Variants in CSMD3 observed in about 807,000 individuals in gnomAD.
The protein encoded by CSMD3 is CUB and sushi domain-containing protein 3.
A neutral mutation model predicts 435.2 loss-of-function variants in CSMD3; 177 were observed. The observed-to-expected ratio is 0.41, with a 90% confidence interval of 0.36 to 0.46. CSMD3 has a LOEUF of 0.46. CSMD3 is among the 20% of genes least tolerant of loss of function. The probability of loss-of-function intolerance (pLI) is 0.34; values close to 1 mark genes in which losing one functional copy is unlikely to be tolerated. For missense variants in CSMD3, 4,265 were observed against 4,504.6 expected (o/e 0.95, Z 1.52); for synonymous variants, 1,656 against 1,520.5 (o/e 1.09, Z -2.07).
Position 112,744,271 on chromosome 8 carries a change from G to A in CSMD3, c.1973-54221C>T, listed in dbSNP as rs140898491. ...CTTCTACATCAGAAAGAAGTTTACA[G>A]AGATCATCAGATCTTAAAGAATGAT... On this transcript the variant is annotated intron_variant, in intron 13 of 70. Transcript: ENST00000297405. 3.2e-3 allele frequency among the ~76,000 whole-genome samples: 484 copies of A among 152,146 alleles called. 1 individual carries two copies. The highest frequency in any genetic ancestry group is 0.01 in the Middle Eastern group (3 of 294).
chr8:112,370,018 GA>G (rs1402800105), intron 38 of CSMD3, among the ~76,000 whole-genome samples: 2 of 52,556 alleles, frequency 3.8e-5, no homozygotes, highest in Non-Finnish European at 5.3e-5. Context: ...AGAGGAAGAA[GA>G]AGAGGAAGAA....
chr8:112,841,939 C>T (rs141827061), intron 11 of CSMD3, among the ~76,000 whole-genome samples: 49 of 151,888 alleles, frequency 3.2e-4, no homozygotes, highest in African/African-American at 1.1e-3. Context: ...CACATTTTTA[C>T]ACTTTGATAT....
intron 55 of CSMD3, 29 bp from the exon 56 acceptor site, chr8:112,291,724 T>A (rs1819779120): frequency 6.8e-7 from 1 of 1,474,976 alleles, no homozygotes; most frequent in Non-Finnish European, 9.5e-7. Flanking sequence ...TTGAAACATA[T>A]GTTTGGAATA....
intron 53 of CSMD3, among the ~76,000 whole-genome samples, chr8:112,300,429 A>G (rs1281856916): frequency 1.3e-5 from 2 of 151,880 alleles, no homozygotes; most frequent in East Asian, 1.9e-4. Flanking sequence ...TTGAGTTTTT[A>G]TTTGATTATA....
At chr8:112,624,438 A>G (rs1033553590) in intron 22 of CSMD3, among the ~76,000 whole-genome samples, 7 of 152,124 alleles carry the variant, frequency 4.6e-5, no homozygotes, top group African/African-American at 1.7e-4. Context: ...CTTGACTTCA[A>G]GTCATTATTA....
rs149728250 is a variant in CSMD3 at position 112,223,428 on chromosome 8, G to C, written c.*1343C>G. 7.2e-3 allele frequency: 1,349 copies of C among 187,820 alleles called. 54 individuals are homozygous for C. In the Admixed American group the frequency reaches 0.074, roughly 10 times the overall value. The allele number at this position is 187,820 out of a possible 1,614,324, so 11.6% of individuals were successfully genotyped here. On this transcript the variant is annotated 3_prime_UTR_variant, in exon 71 of 71. Transcript: ENST00000297405. ...AAGAGTTAACACTGGGTACATGATCGTATTCAATGAAGTAAAACAGCTATA... is the reference window on the plus strand; with the variant it reads ...AAGAGTTAACACTGGGTACATGATCCTATTCAATGAAGTAAAACAGCTATA...
chr8:113,378,039 C>G (rs2094396881), intron 1 of CSMD3, among the ~76,000 whole-genome samples: 1 of 152,026 alleles, frequency 6.6e-6, no homozygotes, highest in Non-Finnish European at 1.5e-5. Flanking sequence ...ATGATTACAG[C>G]TCTTTAAATA....
intron 5 of CSMD3, among the ~76,000 whole-genome samples, chr8:113,048,359 C>G (rs1174907497): frequency 1.3e-5 from 2 of 152,142 alleles, no homozygotes; most frequent in East Asian, 3.9e-4. Context: ...TCCCAAAGTG[C>G]TGGGATTACA....
intron 22 of CSMD3, among the ~76,000 whole-genome samples, chr8:112,604,421 A>G (rs1832629500): frequency 6.6e-6 from 1 of 152,134 alleles, no homozygotes; most frequent in Non-Finnish European, 1.5e-5. Flanking sequence ...CGTGGTACTG[A>G]TATAAAAATA....
At chr8:112,899,965 A>G (rs1279843341) in intron 10 of CSMD3, among the ~76,000 whole-genome samples, 1 of 151,052 alleles carries the variant, frequency 6.6e-6, no homozygotes. Context: ...GGAAAGTTGT[A>G]ATGTTTACTA....
At chr8:112,526,872 G>A (rs1288781675) in intron 27 of CSMD3, among the ~76,000 whole-genome samples, 1 of 151,894 alleles carries the variant, frequency 6.6e-6, no homozygotes, top group Admixed American at 6.6e-5. Flanking sequence ...CATTATATGT[G>A]AGGTGGTATA....
chr8:112,389,809 G>T (rs193239974), intron 36 of CSMD3, among the ~76,000 whole-genome samples: 4 of 152,090 alleles, frequency 2.6e-5, no homozygotes, highest in Admixed American at 6.6e-5. Context: ...CCTTTCATAG[G>T]ATATATATAC....
intron 10 of CSMD3, among the ~76,000 whole-genome samples, chr8:112,877,411 T>G (rs2081315725): frequency 6.6e-6 from 1 of 151,842 alleles, no homozygotes; most frequent in Admixed American, 6.6e-5. Flanking sequence ...GAATAACAGG[T>G]GTGTGCCACC....
intron 13 of CSMD3, among the ~76,000 whole-genome samples, chr8:112,731,540 T>G (rs2077074815): frequency 6.6e-6 from 1 of 152,154 alleles, no homozygotes; most frequent in Non-Finnish European, 1.5e-5. Flanking sequence ...TCTTCTTGAC[T>G]TACATTTTTG....
In CSMD3 at chr8:112,524,896, T is replaced by C. The variant is rs1162908118; in HGVS notation, c.4565-7671A>G. 3.9e-5 allele frequency among the ~76,000 whole-genome samples: 6 copies of C among 152,172 alleles called. No homozygotes were observed. In the East Asian group the frequency reaches 5.8e-4, roughly 15 times the overall value. ...TCTGTTACACATGTTCATTCTTTAA[T>C]TGGTTTCTTAGCCACATTTAATGCC... is the stretch of plus-strand genomic sequence containing the variant. On this transcript the variant is annotated intron_variant, in intron 27 of 70. Transcript: ENST00000297405.
intron 7 of CSMD3, among the ~76,000 whole-genome samples, chr8:112,956,505 C>T (rs1351584603): frequency 6.6e-6 from 1 of 152,058 alleles, no homozygotes; most frequent in Non-Finnish European, 1.5e-5. Flanking sequence ...CTCTACTTTT[C>T]TCTGCATTAT....
chr8:112,546,838 T>C (rs1393348285), intron 27 of CSMD3, among the ~76,000 whole-genome samples: 1 of 152,140 alleles, frequency 6.6e-6, no homozygotes, highest in Non-Finnish European at 1.5e-5. Context: ...CTACAAAGGA[T>C]GAATGGATCA....
chr8:112,335,140 G>A (rs1373290358), intron 45 of CSMD3, among the ~76,000 whole-genome samples, 189 bp downstream of exon 45: 2 of 152,076 alleles, frequency 1.3e-5, no homozygotes, highest in African/African-American at 2.4e-5. Flanking sequence ...ACATTTTAAT[G>A]TCCCTGAATA....
At position 112,224,012 on chromosome 8, in the gene CSMD3, A is replaced by G. The variant is rs956770692; in HGVS notation, c.*759T>C. On this transcript the variant is annotated 3_prime_UTR_variant, in exon 71 of 71. Transcript: ENST00000297405. ...AAATAATAAAAATAAATAGGAAAAAACCATATTGAAGCAAGGAGTGAAACA... is the reference window on the plus strand; with the variant it reads ...AAATAATAAAAATAAATAGGAAAAAGCCATATTGAAGCAAGGAGTGAAACA... 2 of 152,124 alleles carry G rather than the reference A, an allele frequency of 1.3e-5. No individual in the cohort carries two copies. The highest frequency in any genetic ancestry group is 2.9e-5 in the Non-Finnish European group (2 of 68,022). 9.4% of individuals were successfully genotyped at this position (152,124 alleles called of 1,614,324 possible).
Sources: gnomAD v4.1 joint callset for allele counts (sites outside exome capture counted in the v4.1 genomes callset) on GRCh38, gnomAD v4.1.1 for gene constraint, MANE v1.5 for transcripts, NCBI Gene and HGNC (gene_info 2026-07-23, HGNC 2026-07-21) for gene names.